Variants in TEC observed in about 807,000 individuals in gnomAD.
The protein encoded by TEC is tyrosine-protein kinase Tec.
Under a neutral mutation model 93.0 loss-of-function variants are expected in TEC, and 72 were observed. The ratio of observed to expected loss-of-function variants is 0.77; its 90% CI spans 0.64 to 0.94. TEC has a LOEUF of 0.94. TEC is among the 40% of genes least tolerant of loss of function. The probability of loss-of-function intolerance (pLI) is 0.00; values close to 1 mark genes in which losing one functional copy is unlikely to be tolerated. For missense variants in TEC, 630 were observed against 757.9 expected (o/e 0.83, Z 1.98); for synonymous variants, 249 against 247.7 (o/e 1.01, Z -0.05).
intron 2 of TEC, among the ~76,000 whole-genome samples, chr4:48,181,617 G>A (rs1721591174): frequency 6.7e-6 from 1 of 150,250 alleles, no homozygotes; most frequent in Non-Finnish European, 1.5e-5. Context: ...AGGTTGCAGT[G>A]AGCCGAGATA....
chr4:48,199,665 C>T (rs973360356), intron 2 of TEC, among the ~76,000 whole-genome samples: 2 of 151,922 alleles, frequency 1.3e-5, no homozygotes, highest in South Asian at 4.2e-4. Context: ...AATGAGGTTT[C>T]ACCACACTGG....
At chr4:48,197,312 C>T (rs1279824564) in intron 2 of TEC, among the ~76,000 whole-genome samples, 1 of 152,178 alleles carries the variant, frequency 6.6e-6, no homozygotes, top group Non-Finnish European at 1.5e-5. Context: ...AGTACTCAAC[C>T]TCTCTGTTCT....
chr4:48,223,490 T>C (rs1005116647), intron 2 of TEC, among the ~76,000 whole-genome samples: 1 of 152,218 alleles, frequency 6.6e-6, no homozygotes, highest in African/African-American at 2.4e-5. Flanking sequence ...GGTTTTTAAT[T>C]TTTCTAAGCC....
Position 48,254,178 on chromosome 4 carries a change from T to C in TEC, c.-46+15574A>G, listed in dbSNP as rs147250851. ...AAACATAAAAAGTTGGTTGTATCTA[T>C]GAATGCAGAGATAGCAGAGCTGGGA... is the stretch of plus-strand genomic sequence containing the variant. On this transcript the variant is annotated intron_variant, in intron 1 of 17. Transcript: ENST00000381501. Among the ~76,000 whole-genome samples the C allele has an allele frequency of 2.7e-4, 41 of 152,258 alleles. No individual in the cohort carries two copies. In the East Asian group the frequency reaches 7.7e-3, roughly 29 times the overall value.
chr4:48,148,140 G>C (rs1719996015), intron 11 of TEC, among the ~76,000 whole-genome samples: 1 of 152,058 alleles, frequency 6.6e-6, no homozygotes, highest in African/African-American at 2.4e-5. Flanking sequence ...TTGGGATGAT[G>C]ACAATGTTCT....
chr4:48,170,330 G>T lies in TEC; in HGVS notation c.372C>A (p.Phe124Leu). Residue 124 changes from phenylalanine to leucine, a missense_variant, in exon 5 of 18, where the codon TTC becomes TTA. By Grantham distance (22) the Phe-to-Leu change is conservative (BLOSUM62 0). Transcript: ENST00000381501. The stretch of plus-strand genomic sequence containing the variant: ...AACACTGATAACTTCCATCTGTCCA[G>T]AATTTAGGATGATATTTAATCATAA... ...NNIMIKYHPK[F>L]WTDGSYQCCR... is the part of the protein sequence containing the mutation. 6.7e-7 allele frequency: 1 copy of T among 1,495,518 alleles called. No homozygotes were observed. Among genetic ancestry groups the T allele is most frequent in the Non-Finnish European group, 9.3e-7 (1 of 1,075,158 alleles). 92.6% of individuals were successfully genotyped at this position (1,495,518 alleles called of 1,614,324 possible). A position where few individuals can be genotyped will look rare whatever the true frequency, so the allele number is the denominator to read the frequency against.
At chr4:48,225,570 C>G (rs1020090308) in intron 2 of TEC, among the ~76,000 whole-genome samples, 1 of 152,146 alleles carries the variant, frequency 6.6e-6, no homozygotes, top group Non-Finnish European at 1.5e-5. Context: ...CACATTAGCA[C>G]AAACATGGAA....
At chr4:48,173,305 C>T (rs1051957772) in intron 3 of TEC, among the ~76,000 whole-genome samples, 1 of 152,074 alleles carries the variant, frequency 6.6e-6, no homozygotes, top group South Asian at 2.1e-4. Context: ...CCTCCCCCCA[C>T]CAAAAAAAAC....
At chr4:48,181,688 GA>G (rs1197395556) in intron 2 of TEC, among the ~76,000 whole-genome samples, 3 of 104,040 alleles carry the variant, frequency 2.9e-5, no homozygotes, top group Non-Finnish European at 4.4e-5. Context: ...AAAAAAAAAA[GA>G]AAAAAGAAAA....
chr4:48,223,540 T>C (rs531852732), intron 2 of TEC, among the ~76,000 whole-genome samples: 1 of 152,352 alleles, frequency 6.6e-6, no homozygotes, highest in South Asian at 2.1e-4. Flanking sequence ...CAAGACTTAA[T>C]ACAGAATTGT....
At chr4:48,268,942 C>T (rs892985602) in intron 1 of TEC, among the ~76,000 whole-genome samples, 3 of 151,794 alleles carry the variant, frequency 2.0e-5, no homozygotes, top group African/African-American at 7.3e-5. Context: ...TACACGTCCA[C>T]GGGAAAAATA....
intron 2 of TEC, among the ~76,000 whole-genome samples, chr4:48,226,107 T>C (rs2109635183): frequency 6.6e-6 from 1 of 152,320 alleles, no homozygotes; most frequent in South Asian, 2.1e-4. Flanking sequence ...CCCCTTAAGC[T>C]AAACCAAAAG....
At chr4:48,186,282 G>A (rs1490812839) in intron 2 of TEC, among the ~76,000 whole-genome samples, 1 of 151,700 alleles carries the variant, frequency 6.6e-6, no homozygotes, top group African/African-American at 2.4e-5. Flanking sequence ...CCGCCACCCC[G>A]TCTGGGAAGT....
Position 48,228,303 on chromosome 4 carries a change from T to G in TEC, c.138+174A>C, listed in dbSNP as rs148428417. Among the ~76,000 whole-genome samples, 375 of 152,324 alleles carry G rather than the reference T, an allele frequency of 2.5e-3. 2 individuals are homozygous for G. Among genetic ancestry groups the G allele is most frequent in the African/African-American group, 8.3e-3 (344 of 41,568 alleles). ...AGGTTAATTATAATAAACCTATAAT[T>G]AACAGATTTGTTAATTTCTATCCAT... On this transcript the variant is annotated intron_variant, in intron 2 of 17. Coordinates refer to ENST00000381501, the MANE Select transcript of TEC (RefSeq NM_003215.3).
chr4:48,168,139 A>T (rs1215993032), intron 6 of TEC, among the ~76,000 whole-genome samples, 186 bp from the exon 7 acceptor site: 1 of 152,102 alleles, frequency 6.6e-6, no homozygotes, highest in African/African-American at 2.4e-5. Context: ...GGTAACAATG[A>T]TTTAATTAAC....
chr4:48,222,308 C>G (rs1453790290), intron 2 of TEC, among the ~76,000 whole-genome samples: 2 of 152,072 alleles, frequency 1.3e-5, no homozygotes, highest in African/African-American at 4.8e-5. Context: ...TCAAGTACTT[C>G]GTATCCCAAA....
chr4:48,186,281 C>T (rs1329910891), intron 2 of TEC, among the ~76,000 whole-genome samples: 1 of 152,134 alleles, frequency 6.6e-6, no homozygotes, highest in Non-Finnish European at 1.5e-5. Flanking sequence ...GCCGCCACCC[C>T]GTCTGGGAAG....
intron 1 of TEC, among the ~76,000 whole-genome samples, chr4:48,237,864 A>C (rs1179261975): frequency 6.6e-6 from 1 of 152,240 alleles, no homozygotes; most frequent in Non-Finnish European, 1.5e-5. Flanking sequence ...TGACAAAGTT[A>C]CTATTTGTTT....
chr4:48,213,599 C>T (rs73814697), intron 2 of TEC, among the ~76,000 whole-genome samples: 2,918 of 152,240 alleles, frequency 0.019, 34 homozygotes, highest in African/African-American at 0.038. Context: ...ACGTACCTGA[C>T]CAGCATCAAC....
Sources: gnomAD v4.1 joint callset for allele counts (sites outside exome capture counted in the v4.1 genomes callset) on GRCh38, gnomAD v4.1.1 for gene constraint, MANE v1.5 for transcripts, NCBI Gene and HGNC (gene_info 2026-07-23, HGNC 2026-07-21) for gene names.